Variants in MYO16 observed in about 807,000 individuals in gnomAD.
MYO16 encodes unconventional myosin-XVI.
In MYO16, 94 loss-of-function variants were observed where a neutral mutation model predicts 205.3. The ratio of observed to expected loss-of-function variants is 0.46; its 90% CI spans 0.39 to 0.54. The LOEUF is 0.54. Among genes scored for constraint, MYO16 ranks in the 20% least tolerant of loss-of-function variants. The pLI, the probability that MYO16 is intolerant of heterozygous loss-of-function variation, is 0.00. For synonymous variants in MYO16, 988 were observed against 954.0 expected, an observed-to-expected ratio of 1.04 and a Z score of -0.66; for missense variants, 2,315 against 2,387.5, an observed-to-expected ratio of 0.97 and a Z score of 0.63.
At chr13:108,770,787 C>T (rs1173620307) in intron 4 of MYO16, among the ~76,000 whole-genome samples, 4 of 152,162 alleles carry the variant, frequency 2.6e-5, no homozygotes, top group African/African-American at 9.7e-5. Flanking sequence ...ACATAAAGAA[C>T]TTTTCTCACA....
At chr13:108,870,426 T>C (rs1388760261) in intron 12 of MYO16, among the ~76,000 whole-genome samples, 1 of 152,076 alleles carries the variant, frequency 6.6e-6, no homozygotes, top group African/African-American at 2.4e-5. Context: ...GTGTACTCTG[T>C]TTTCTAGTCT....
intron 7 of MYO16, among the ~76,000 whole-genome samples, chr13:108,810,899 G>T (rs1887271565): frequency 6.6e-6 from 1 of 152,072 alleles, no homozygotes; most frequent in African/African-American, 2.4e-5. Flanking sequence ...TTTTAAAACT[G>T]CCTTTTATAA....
chr13:108,919,429 C>T lies in MYO16; in HGVS notation c.1925+9279C>T, dbSNP rs191247578. ...TTTCTGTCACATCCAATGCAGTCTG[C>T]TTGATGACGCAAGGCGACAGAGATG... On this transcript the variant is annotated intron_variant, in intron 16 of 34. Transcript: ENST00000457511. Among the ~76,000 whole-genome samples, 7 of 152,360 alleles carry T rather than the reference C, an allele frequency of 4.6e-5. No individual in the cohort carries two copies. In the East Asian group the frequency reaches 1.4e-3, roughly 29 times the overall value.
intron 34 of MYO16, among the ~76,000 whole-genome samples, chr13:109,193,806 A>G (rs945928418): frequency 6.6e-6 from 1 of 152,150 alleles, no homozygotes; most frequent in Non-Finnish European, 1.5e-5. Flanking sequence ...TCCAAAGCCA[A>G]CTGTCAAATC....
chr13:108,983,897 C>T (rs1208621659), intron 20 of MYO16, among the ~76,000 whole-genome samples: 1 of 152,084 alleles, frequency 6.6e-6, no homozygotes, highest in East Asian at 1.9e-4. Context: ...AAAAGTTGAC[C>T]CAACTACCTA....
At position 108,957,812 on chromosome 13, in the gene MYO16, A is replaced by G. The variant is rs990503013; in HGVS notation, c.2037+13A>G. On this transcript the variant is annotated intron_variant, in intron 17 of 34. Coordinates refer to ENST00000457511, the MANE Select transcript of MYO16 (RefSeq NM_001198950.3). ...CTTCAGCAGCTTGGTGAGTCATGTC[A>G]TAAATATTTCACTGAGAAAATCAAC... 1 of 1,580,582 alleles carries G rather than the reference A, an allele frequency of 6.3e-7. No homozygotes were observed. The highest frequency in any genetic ancestry group is 1.1e-5 in the South Asian group (1 of 90,186).
intron 23 of MYO16, among the ~76,000 whole-genome samples, chr13:109,041,593 G>T (rs770743409): frequency 6.6e-6 from 1 of 152,082 alleles, no homozygotes; most frequent in African/African-American, 2.4e-5. Flanking sequence ...GGCAACATGC[G>T]GGATCCGTGT....
the MYO16 span, among the ~76,000 whole-genome samples, chr13:108,536,696 A>C: frequency 1.3e-5 from 2 of 152,190 alleles, no homozygotes; most frequent in Non-Finnish European, 2.9e-5. Context: ...TGAAACTTTT[A>C]GTATAAACCA....
intron 20 of MYO16, among the ~76,000 whole-genome samples, chr13:108,980,330 G>A (rs1441300215): frequency 6.6e-6 from 1 of 152,162 alleles, no homozygotes; most frequent in Non-Finnish European, 1.5e-5. Context: ...TGCACTGTTA[G>A]CTATTCCTGC....
At position 108,728,901 on chromosome 13, in the gene MYO16, G is replaced by C. The variant is rs1043500322; in HGVS notation, c.507+1318G>C. Among the ~76,000 whole-genome samples, 5 of 151,766 alleles carry C rather than the reference G, an allele frequency of 3.3e-5. No homozygotes were observed. The East Asian group carries it at 9.7e-4, about 29-fold the overall frequency. On this transcript the variant is annotated intron_variant, in intron 4 of 34. Coordinates refer to ENST00000457511, the MANE Select transcript of MYO16 (RefSeq NM_001198950.3). Reference sequence around the variant, plus strand: ...CAAAAATATTTTGGGATTAAAGGCTGTATATTGGGACTGTCTTAATCTTGT... The same window carrying C: ...CAAAAATATTTTGGGATTAAAGGCTCTATATTGGGACTGTCTTAATCTTGT...
intron 2 of MYO16, among the ~76,000 whole-genome samples, chr13:108,700,046 T>C (rs1449682847): frequency 6.6e-6 from 1 of 151,930 alleles, no homozygotes; most frequent in African/African-American, 2.4e-5. Context: ...TAAGAAGCAT[T>C]TATAGGCTGG....
At chr13:108,941,677 A>G (rs1014182074) in intron 16 of MYO16, among the ~76,000 whole-genome samples, 1 of 110,284 alleles carries the variant, frequency 9.1e-6, no homozygotes, top group Admixed American at 8.3e-5. Flanking sequence ...ACTCAGTCTC[A>G]AAAAAAAAAA....
chr13:108,598,314 GAGAGAGAC>G (rs1249532659), intron 1 of MYO16, among the ~76,000 whole-genome samples: 1 of 138,148 alleles, frequency 7.2e-6, no homozygotes, highest in Non-Finnish European at 1.6e-5. Context: ...GATAGAGAGA[GAGAGAGAC>G]AGACAGACAG....
Position 108,818,124 on chromosome 13 carries a change from G to A in MYO16, c.868-2213G>A, listed in dbSNP as rs192082825. On this transcript the variant is annotated intron_variant, in intron 7 of 34. Coordinates refer to ENST00000457511, the MANE Select transcript of MYO16 (RefSeq NM_001198950.3). Reference sequence around the variant, plus strand: ...ACAGGCCAGGCTCGGTGGCTCACGCGTGTAATCTCAGCAATTTGGGAGACC... The same window carrying A: ...ACAGGCCAGGCTCGGTGGCTCACGCATGTAATCTCAGCAATTTGGGAGACC... Among the ~76,000 whole-genome samples, 984 of 152,072 alleles carry A rather than the reference G, an allele frequency of 6.5e-3. 7 individuals carry two copies. The highest frequency in any genetic ancestry group is 0.022 in the African/African-American group (925 of 41,494).
At chr13:108,517,602 A>G in the MYO16 span, among the ~76,000 whole-genome samples, 3 of 152,364 alleles carry the variant, frequency 2.0e-5, no homozygotes, top group Non-Finnish European at 4.4e-5. Flanking sequence ...TGAAATTGAA[A>G]TACAATGTCT....
chr13:108,927,314 A>G (rs1882054239), intron 16 of MYO16, among the ~76,000 whole-genome samples: 1 of 152,196 alleles, frequency 6.6e-6, no homozygotes, highest in Non-Finnish European at 1.5e-5. Flanking sequence ...AACAACAAGG[A>G]TGATCTTTCT....
intron 1 of MYO16, among the ~76,000 whole-genome samples, chr13:108,614,370 A>G (rs1315635839): frequency 6.6e-6 from 1 of 152,078 alleles, no homozygotes; most frequent in African/African-American, 2.4e-5. Flanking sequence ...ATTGAAAGAC[A>G]TTATATTGGA....
intron 19 of MYO16, 44 bp from the exon 20 acceptor site, chr13:108,964,717 G>A: frequency 6.3e-7 from 1 of 1,599,972 alleles, no homozygotes. Flanking sequence ...TTCTAAATGA[G>A]GGAACCCTTG....
chr13:108,844,836 A>C (rs1877432210), intron 10 of MYO16, among the ~76,000 whole-genome samples: 2 of 152,194 alleles, frequency 1.3e-5, no homozygotes, highest in Admixed American at 1.3e-4. Flanking sequence ...CAATGACCCA[A>C]ATATTTATGA....
Sources: gnomAD v4.1 joint callset for allele counts (sites outside exome capture counted in the v4.1 genomes callset) on GRCh38, gnomAD v4.1.1 for gene constraint, MANE v1.5 for transcripts, NCBI Gene and HGNC (gene_info 2026-07-23, HGNC 2026-07-21) for gene names.